The following HPSE2 variants were observed in gnomAD, a reference collection of about 807,000 sequenced individuals.
HPSE2 encodes inactive heparanase-2.
Under a neutral mutation model 60.5 loss-of-function variants are expected in HPSE2, and 38 were observed. The ratio of observed to expected loss-of-function variants is 0.63; its 90% confidence interval spans 0.48 to 0.82. The LOEUF (loss-of-function observed/expected upper bound fraction) is 0.82, where lower values mean the gene tolerates loss of function less well. Ranked by LOEUF, HPSE2 falls within the 40% of genes least tolerant of loss-of-function variation. The probability of loss-of-function intolerance (pLI) is 0.00; values close to 1 mark genes in which losing one functional copy is unlikely to be tolerated. For missense variants in HPSE2, 713 were observed against 740.4 expected, an observed-to-expected ratio of 0.96 and a Z score of 0.43; for synonymous variants, 295 against 293.2, an observed-to-expected ratio of 1.01 and a Z score of -0.06.
At position 99,083,934 on chromosome 10, in the gene HPSE2, C is replaced by G. The variant is rs145992390; in HGVS notation, c.610+60304G>C. Reference sequence around the variant, plus strand: ...TTCATCTGCAAGTCTGGACTAAAGGCCCAAAAAAACCATATGGGAATGTGT... The same window carrying G: ...TTCATCTGCAAGTCTGGACTAAAGGGCCAAAAAAACCATATGGGAATGTGT... On this transcript the variant is annotated intron_variant, in intron 3 of 11. Transcript: ENST00000370552. Among the ~76,000 whole-genome samples, 1,082 of 144,166 alleles carry G rather than the reference C, an allele frequency of 7.5e-3. 6 individuals are homozygous for G. Among genetic ancestry groups the G allele is most frequent in the Non-Finnish European group, 0.011 (707 of 66,394 alleles). 94.6% of individuals were successfully genotyped at this position (144,166 alleles called of 152,430 possible). A position where few individuals can be genotyped will look rare whatever the true frequency, so the allele number is the denominator to read the frequency against.
At chr10:98,572,027 G>A (rs755070475) in intron 9 of HPSE2, among the ~76,000 whole-genome samples, 156 of 144,656 alleles carry the variant, frequency 1.1e-3, no homozygotes, top group Non-Finnish European at 1.8e-3. Context: ...CAACCTCCCC[G>A]CCTCCTGGGT....
chr10:99,273,551 G>A, the HPSE2 span, among the ~76,000 whole-genome samples: 1 of 152,084 alleles, frequency 6.6e-6, no homozygotes. Context: ...GAGAAAATTG[G>A]GTTCTAAATC....
chr10:98,913,967 G>A, intron 3 of HPSE2, among the ~76,000 whole-genome samples: 1 of 152,110 alleles, frequency 6.6e-6, no homozygotes, highest in East Asian at 1.9e-4. Context: ...TATAATCACT[G>A]AGGAAAATGA....
chr10:98,762,598 T>A (rs1194968502), intron 3 of HPSE2, among the ~76,000 whole-genome samples: 5 of 151,600 alleles, frequency 3.3e-5, no homozygotes, highest in Admixed American at 3.3e-4. Context: ...AATTTCTGAG[T>A]GGTACATGTA....
intron 9 of HPSE2, among the ~76,000 whole-genome samples, chr10:98,588,750 G>A (rs1413743404): frequency 6.6e-6 from 1 of 151,884 alleles, no homozygotes; most frequent in African/African-American, 2.4e-5. Flanking sequence ...CAAGTAATCA[G>A]GGATGGGGAT....
chr10:98,741,939 G>C (rs541763931), intron 4 of HPSE2, among the ~76,000 whole-genome samples: 1 of 152,132 alleles, frequency 6.6e-6, no homozygotes, highest in East Asian at 1.9e-4. Flanking sequence ...AGGAGGGTAA[G>C]GTTAGGTGAG....
At chr10:99,143,061 C>T (rs377024500) in intron 3 of HPSE2, among the ~76,000 whole-genome samples, 2 of 152,098 alleles carry the variant, frequency 1.3e-5, no homozygotes, top group Non-Finnish European at 2.9e-5. Context: ...AAACTTAAAC[C>T]CAATTTCACT....
At chr10:99,213,365 C>A (rs1849012972) in intron 2 of HPSE2, among the ~76,000 whole-genome samples, 2 of 152,042 alleles carry the variant, frequency 1.3e-5, no homozygotes, top group Non-Finnish European at 2.9e-5. Flanking sequence ...TGATAAAGAA[C>A]CATACAATTA....
chr10:99,162,014 CAG>C (rs1448703497), intron 2 of HPSE2, among the ~76,000 whole-genome samples: 1 of 152,108 alleles, frequency 6.6e-6, no homozygotes, highest in African/African-American at 2.4e-5. Context: ...TGGTGGTTGA[CAG>C]AGGCTGAGGA....
chr10:99,082,599 A>G (rs1321534337), intron 3 of HPSE2, among the ~76,000 whole-genome samples: 2 of 152,202 alleles, frequency 1.3e-5, no homozygotes, highest in Non-Finnish European at 2.9e-5. Context: ...CAACAGAAAA[A>G]GTAGAAGAAA....
intron 1 of HPSE2, among the ~76,000 whole-genome samples, chr10:99,233,581 T>A (rs1849741171): frequency 6.6e-6 from 1 of 152,210 alleles, no homozygotes; most frequent in East Asian, 1.9e-4. Flanking sequence ...CTGTAAATTA[T>A]TTTTTAACGC....
the HPSE2 span, among the ~76,000 whole-genome samples, chr10:99,315,555 A>C: frequency 6.6e-6 from 1 of 152,334 alleles, no homozygotes; most frequent in East Asian, 1.9e-4. Flanking sequence ...ACGGACAGGT[A>C]GAAGGAATGG....
In HPSE2 at chr10:99,130,300, CA is replaced by C. The variant is rs1845332676; in HGVS notation, c.610+13937del. 2.0e-5 allele frequency among the ~76,000 whole-genome samples: 3 copies of C among 152,134 alleles called. 1 individual carries two copies. Among genetic ancestry groups the C allele is most frequent in the Admixed American group, 6.5e-5 (1 of 15,286 alleles). The stretch of plus-strand genomic sequence containing the variant: ...TATGAAGCCAGTATCACCTTCATAC[CA>C]AAACCAAGAAAGGACATAACAAAAA... On this transcript the variant is annotated intron_variant, in intron 3 of 11. Coordinates refer to ENST00000370552, the MANE Select transcript of HPSE2 (RefSeq NM_021828.5).
intron 2 of HPSE2, among the ~76,000 whole-genome samples, chr10:99,161,448 C>G (rs1288423483): frequency 6.6e-6 from 1 of 151,936 alleles, no homozygotes; most frequent in Non-Finnish European, 1.5e-5. Context: ...GTGAAAGAAG[C>G]CAGACACAAA....
intron 3 of HPSE2, among the ~76,000 whole-genome samples, chr10:99,090,062 G>C (rs141844321): frequency 1.3e-3 from 193 of 152,170 alleles, no homozygotes; most frequent in African/African-American, 4.4e-3. Flanking sequence ...ACCAGTCTAG[G>C]AGCTTTTTGG....
chr10:98,525,174 C>A (rs1942925302), intron 9 of HPSE2, among the ~76,000 whole-genome samples: 2 of 152,182 alleles, frequency 1.3e-5, no homozygotes. Context: ...CCATCCCCAG[C>A]TAATTTTTGT....
intron 3 of HPSE2, among the ~76,000 whole-genome samples, chr10:98,986,292 C>G (rs1410635529): frequency 6.6e-6 from 1 of 152,088 alleles, no homozygotes; most frequent in Non-Finnish European, 1.5e-5. Context: ...AACAAACTCT[C>G]TCTCAGACCA....
chr10:98,890,643 C>T (rs867469921), intron 3 of HPSE2, among the ~76,000 whole-genome samples: 5 of 151,862 alleles, frequency 3.3e-5, no homozygotes, highest in East Asian at 1.9e-4. Context: ...TAAAAACGAA[C>T]GAACAAATGA....
intron 4 of HPSE2, among the ~76,000 whole-genome samples, chr10:98,735,351 G>C (rs1465612843): frequency 1.0e-5 from 1 of 100,014 alleles, no homozygotes; most frequent in Non-Finnish European, 2.2e-5. Context: ...CCTCTGCCTA[G>C]ATTTCAGAGG....
Sources: gnomAD v4.1 joint callset for allele counts (sites outside exome capture counted in the v4.1 genomes callset) on GRCh38, gnomAD v4.1.1 for gene constraint, MANE v1.5 for transcripts, NCBI Gene and HGNC (gene_info 2026-07-23, HGNC 2026-07-21) for gene names.